MYO6: variants seen among roughly 807,000 people sequenced by gnomAD.
The protein encoded by MYO6 is myosin VI, also known as unconventional myosin-VI.
A neutral mutation model predicts 178.7 loss-of-function variants in MYO6; 74 were observed. The observed-to-expected ratio is 0.41, with a 90% CI of 0.34 to 0.50. The LOEUF (loss-of-function observed/expected upper bound fraction) is 0.50, where lower values mean the gene tolerates loss of function less well. MYO6 is among the 20% of genes least tolerant of loss of function. The probability of loss-of-function intolerance (pLI) is 0.09; values close to 1 mark genes in which losing one functional copy is unlikely to be tolerated. For missense variants in MYO6, 1,330 were observed against 1,547.4 expected, an observed-to-expected ratio of 0.86 and a Z score of 2.36; for synonymous variants, 477 against 504.6, an observed-to-expected ratio of 0.95 and a Z score of 0.73.
At chr6:75,794,991 A>G (rs1768660301) in intron 1 of MYO6, among the ~76,000 whole-genome samples, 2 of 152,224 alleles carry the variant, frequency 1.3e-5, no homozygotes, top group African/African-American at 4.8e-5. Flanking sequence ...AATTCTTGTG[A>G]AGTGAGACCA....
chr6:75,885,773 G>A (rs1778383998), intron 23 of MYO6, among the ~76,000 whole-genome samples: 1 of 152,068 alleles, frequency 6.6e-6, no homozygotes, highest in African/African-American at 2.4e-5. Context: ...GGGAGGTGGA[G>A]GTTGCAATGA....
chr6:75,755,880 T>A (rs1562111198), intron 1 of MYO6, among the ~76,000 whole-genome samples: 1 of 152,232 alleles, frequency 6.6e-6, no homozygotes, highest in Non-Finnish European at 1.5e-5. Flanking sequence ...CATACTAGGA[T>A]GTAATCAACA....
chr6:75,879,891 A>G lies in MYO6; in HGVS notation c.2149A>G (p.Met717Val), dbSNP rs2149343586. 2 of 1,614,148 alleles carry G rather than the reference A, an allele frequency of 1.2e-6. No individual in the cohort carries two copies. The highest frequency in any genetic ancestry group is 8.5e-7 in the Non-Finnish European group (1 of 1,180,008). The part of the protein sequence containing the change: ...SRASFHELYN[M>V]YKKYMPDKLA... Reference sequence around the variant, plus strand: ...AGCTTCATTTCATGAACTCTACAACATGTACAAAAAGTATATGCCAGATAA... The same window carrying G: ...AGCTTCATTTCATGAACTCTACAACGTGTACAAAAAGTATATGCCAGATAA... The change falls in exon 21 of 35, where the codon ATG (methionine) becomes GTG (valine). Residue 717 changes from methionine to valine, a missense_variant. By Grantham distance (21) the Met-to-Val change is conservative. This residue lies in a region of MYO6 where 613 missense variants were observed against 816.8 expected (regional missense o/e 0.75). Transcript: ENST00000369977.
intron 14 of MYO6, 50 bp downstream of exon 14, chr6:75,859,043 A>T (rs1775963799): frequency 8.1e-7 from 1 of 1,233,102 alleles, no homozygotes; most frequent in Non-Finnish European, 1.2e-6. Context: ...GCTATTTTAA[A>T]TTTTAAGGAA....
intron 10 of MYO6, among the ~76,000 whole-genome samples, chr6:75,845,180 G>A (rs565832833): frequency 2.0e-5 from 3 of 152,176 alleles, no homozygotes; most frequent in Non-Finnish European, 2.9e-5. Context: ...ACAGGTTCTG[G>A]TTCTTCTGGT....
At position 75,911,696 on chromosome 6, in the gene MYO6, C is replaced by A. The variant is rs1207993878; in HGVS notation, c.3437C>A (p.Ser1146Ter). The A allele has an allele frequency of 6.2e-7, 1 of 1,611,678 alleles. No individual in the cohort carries two copies. The highest frequency in any genetic ancestry group is 8.5e-7 in the Non-Finnish European group (1 of 1,178,216). ...DYDFAPFLNN[S>*]PQQNPAAQIP... ...GATTTTGCACCATTTTTGAACAATT[C>A]ACGTAAGTCAATGGGTGGTAACTCA... The change falls in exon 33 of 35, where the codon TCA (serine) becomes TAA (stop). Residue 1146 changes from serine to a stop codon, truncating the protein, a stop_gained and splice_region_variant. Transcript: ENST00000369977. LOFTEE classifies it high-confidence loss of function.
intron 1 of MYO6, among the ~76,000 whole-genome samples, chr6:75,749,641 T>G (rs1173585766): frequency 6.6e-6 from 1 of 152,230 alleles, no homozygotes; most frequent in Non-Finnish European, 1.5e-5. Flanking sequence ...ATCAGTCTCC[T>G]TTCATGGGTT....
At chr6:75,911,252 C>T (rs1174782793) in intron 32 of MYO6, among the ~76,000 whole-genome samples, 2 of 151,844 alleles carry the variant, frequency 1.3e-5, no homozygotes, top group African/African-American at 4.8e-5. Context: ...CATACTGTTA[C>T]CAAAACGTAG....
intron 12 of MYO6, 150 bp from the exon 13 acceptor site, chr6:75,856,947 A>G (rs924238498): frequency 2.7e-5 from 18 of 670,434 alleles, no homozygotes; most frequent in Non-Finnish European, 4.3e-5. Context: ...GCAGTTTTCT[A>G]CTTAGCCCCA....
intron 1 of MYO6, among the ~76,000 whole-genome samples, chr6:75,776,443 T>C (rs1329969872): frequency 6.6e-6 from 1 of 152,226 alleles, no homozygotes; most frequent in Non-Finnish European, 1.5e-5. Flanking sequence ...GAATAACATC[T>C]GTTTACATTG....
intron 7 of MYO6, among the ~76,000 whole-genome samples, chr6:75,838,354 G>C (rs541047578): frequency 6.6e-6 from 1 of 152,222 alleles, no homozygotes; most frequent in Middle Eastern, 3.4e-3. Context: ...ACTGCACCCA[G>C]CTCAATAGCC....
intron 3 of MYO6, among the ~76,000 whole-genome samples, chr6:75,825,759 T>C (rs965921769): frequency 6.6e-6 from 1 of 152,160 alleles, no homozygotes; most frequent in Non-Finnish European, 1.5e-5. Flanking sequence ...GCTGTAATGA[T>C]TAAACAGGAT....
At chr6:75,787,720 C>CTA (rs1767768214) in intron 1 of MYO6, among the ~76,000 whole-genome samples, 4 of 34,486 alleles carry the variant, frequency 1.2e-4, no homozygotes, top group Non-Finnish European at 2.1e-4. Flanking sequence ...CTCTCTCTCT[C>CTA]TCTCTCTCTC....
chr6:75,904,200 T>C (rs1161511665), intron 30 of MYO6, among the ~76,000 whole-genome samples: 179 of 149,554 alleles, frequency 1.2e-3, no homozygotes, highest in African/African-American at 4.3e-3. Flanking sequence ...CTGACAATTA[T>C]GTGTCTTGGA....
intron 1 of MYO6, among the ~76,000 whole-genome samples, chr6:75,758,738 G>A (rs777583451): frequency 6.6e-6 from 1 of 152,190 alleles, no homozygotes; most frequent in African/African-American, 2.4e-5. Context: ...GATTACAGGC[G>A]TGAGCCACCG....
At chr6:75,828,738 G>T in intron 4 of MYO6, 125 bp downstream of exon 4, 2 of 715,378 alleles carry the variant, frequency 2.8e-6, no homozygotes, top group South Asian at 3.1e-5. Flanking sequence ...CTTGAATAGA[G>T]TGTGAGGTTA....
chr6:75,757,751 C>G (rs770519499), intron 1 of MYO6, among the ~76,000 whole-genome samples: 4 of 151,952 alleles, frequency 2.6e-5, no homozygotes, highest in Non-Finnish European at 4.4e-5. Flanking sequence ...GTTTTCTCAT[C>G]TATAAAATGG....
rs570223455 is a variant in MYO6, at chr6:75,828,056, T to C, written c.188-484T>C. Reference sequence around the variant, plus strand: ...TTCATATTCTCAGTTAAGACATACATAATTTCTCTAGGAGTCTTCATTATG... The same window carrying C: ...TTCATATTCTCAGTTAAGACATACACAATTTCTCTAGGAGTCTTCATTATG... On this transcript the variant is annotated intron_variant, in intron 3 of 34. Transcript: ENST00000369977. Among the ~76,000 whole-genome samples, 3 of 152,250 alleles carry C rather than the reference T, an allele frequency of 2.0e-5. No homozygotes were observed. The East Asian group carries it at 5.8e-4, about 29-fold the overall frequency.
chr6:75,753,645 G>T (rs1777093298), intron 1 of MYO6, among the ~76,000 whole-genome samples: 1 of 151,716 alleles, frequency 6.6e-6, no homozygotes, highest in South Asian at 2.1e-4. Context: ...TGTGTTTCTG[G>T]TGGAGAGGGG....
Sources: gnomAD v4.1 joint callset for allele counts (sites outside exome capture counted in the v4.1 genomes callset) on GRCh38, gnomAD v4.1.1 for gene constraint, gnomAD v4.1.1 regional missense constraint, MANE v1.5 for transcripts, NCBI Gene and HGNC (gene_info 2026-07-23, HGNC 2026-07-21) for gene names.